RPSA2: variants seen among roughly 807,000 people sequenced by gnomAD.
RPSA2 encodes small ribosomal subunit protein uS2B.
the RPSA2 span, chr19:23,782,089 T>C: frequency 6.6e-6 from 1 of 152,636 alleles, no homozygotes; most frequent in Non-Finnish European, 1.5e-5. Context: ...TAGGCCATTG[T>C]AACATTGCTG....
At chr19:23,840,732 C>G in the RPSA2 span, among the ~76,000 whole-genome samples, 2 of 151,798 alleles carry the variant, frequency 1.3e-5, no homozygotes, top group Non-Finnish European at 1.5e-5. Context: ...CTGAGGTGGG[C>G]AGATCACCTG....
At chr19:23,854,914 T>C in the RPSA2 span, among the ~76,000 whole-genome samples, 3 of 152,132 alleles carry the variant, frequency 2.0e-5, no homozygotes, top group Non-Finnish European at 4.4e-5. Context: ...GAATGGCCAT[T>C]TTACACTCAT....
At chr19:23,804,536 C>A in the RPSA2 span, among the ~76,000 whole-genome samples, 9 of 152,080 alleles carry the variant, frequency 5.9e-5, no homozygotes, top group African/African-American at 1.9e-4. Context: ...ACCTCGTGAT[C>A]CACCTGTCTC....
the RPSA2 span, among the ~76,000 whole-genome samples, chr19:23,792,548 C>T: frequency 2.0e-5 from 3 of 148,806 alleles, no homozygotes; most frequent in African/African-American, 7.4e-5. Context: ...AGGAGTATTG[C>T]AACAGGAGAA....
chr19:23,865,082 G>A, the RPSA2 span, among the ~76,000 whole-genome samples: 148,866 of 152,188 alleles, frequency 0.98, 72,902 homozygotes, highest in Middle Eastern at 1. Flanking sequence ...TAGGGACTTC[G>A]AGGAAGTGAA....
At chr19:23,790,672 T>C in the RPSA2 span, 3 of 382,578 alleles carry the variant, frequency 7.8e-6, no homozygotes, top group Non-Finnish European at 1.5e-5. Context: ...TCTTCACTGC[T>C]CTGTGTCCTC....
At chr19:23,769,790 C>G in the RPSA2 span, among the ~76,000 whole-genome samples, 1 of 152,114 alleles carries the variant, frequency 6.6e-6, no homozygotes, top group Non-Finnish European at 1.5e-5. Context: ...GATGAGGTGA[C>G]TCTCCTCTCC....
chr19:23,787,715 C>T, the RPSA2 span, among the ~76,000 whole-genome samples: 2 of 152,162 alleles, frequency 1.3e-5, no homozygotes, highest in South Asian at 2.1e-4. Context: ...CAGGAAGAAT[C>T]GTGACCTTTC....
At chr19:23,869,694 C>G in the RPSA2 span, among the ~76,000 whole-genome samples, 1 of 152,188 alleles carries the variant, frequency 6.6e-6, no homozygotes, top group Non-Finnish European at 1.5e-5. Context: ...ATGGAGCAGG[C>G]TTTAGCACAC....
At chr19:23,794,398 G>C in the RPSA2 span, among the ~76,000 whole-genome samples, 1 of 152,128 alleles carries the variant, frequency 6.6e-6, no homozygotes, top group South Asian at 2.1e-4. Flanking sequence ...TCTCACTGAT[G>C]TGAGATGGCA....
the RPSA2 span, among the ~76,000 whole-genome samples, chr19:23,793,165 T>A: frequency 6.6e-6 from 1 of 151,218 alleles, no homozygotes. Flanking sequence ...GTGTGATAGG[T>A]AAGAAAACAG....
the RPSA2 span, among the ~76,000 whole-genome samples, chr19:23,863,688 C>A: frequency 6.6e-6 from 1 of 152,118 alleles, no homozygotes; most frequent in Non-Finnish European, 1.5e-5. Flanking sequence ...CAAGAGACAG[C>A]CCCTAGCTAC....
chr19:23,790,535 G>A, the RPSA2 span, among the ~76,000 whole-genome samples: 1 of 151,962 alleles, frequency 6.6e-6, no homozygotes, highest in African/African-American at 2.4e-5. Context: ...GGTCTTGAAC[G>A]ATATCCAGTC....
At chr19:23,830,427 G>A in the RPSA2 span, among the ~76,000 whole-genome samples, 4 of 152,292 alleles carry the variant, frequency 2.6e-5, no homozygotes, top group South Asian at 6.2e-4. Context: ...TTACAGGCAG[G>A]AGCCACCATG....
At chr19:23,761,194 C>T in the RPSA2 span, among the ~76,000 whole-genome samples, 3 of 151,722 alleles carry the variant, frequency 2.0e-5, no homozygotes, top group Non-Finnish European at 4.4e-5. Flanking sequence ...ATCCTTCTAC[C>T]TCAGCCTCTT....
At chr19:23,854,881 TA>T in the RPSA2 span, among the ~76,000 whole-genome samples, 20 of 152,204 alleles carry the variant, frequency 1.3e-4, no homozygotes, top group Non-Finnish European at 2.9e-4. Flanking sequence ...TGTGATCAGG[TA>T]AATTTTGTCG....
At chr19:23,865,342 A>T in the RPSA2 span, among the ~76,000 whole-genome samples, 18 of 152,192 alleles carry the variant, frequency 1.2e-4, no homozygotes, top group African/African-American at 4.3e-4. Context: ...CTTCTGCAGG[A>T]GGTTATTACA....
At chr19:23,813,924 T>C in the RPSA2 span, among the ~76,000 whole-genome samples, 6 of 151,802 alleles carry the variant, frequency 4.0e-5, no homozygotes, top group Admixed American at 6.6e-5. Flanking sequence ...GGTTTCACCA[T>C]GTTAGTCAAT....
the RPSA2 span, among the ~76,000 whole-genome samples, chr19:23,822,265 C>T: frequency 1.3e-5 from 2 of 152,194 alleles, no homozygotes; most frequent in African/African-American, 4.8e-5. Context: ...TCATTTGGGT[C>T]CCAGTTGGGA....
Sources: gnomAD v4.1 joint callset for allele counts (sites outside exome capture counted in the v4.1 genomes callset) on GRCh38, gnomAD v4.1.1 for gene constraint, MANE v1.5 for transcripts, NCBI Gene and HGNC (gene_info 2026-07-23, HGNC 2026-07-21) for gene names.